The following PTH2R variants were observed in gnomAD, a reference collection of about 807,000 sequenced individuals.
PTH2R encodes PTH2 receptor.
Under a neutral mutation model 60.3 loss-of-function variants are expected in PTH2R, and 59 were observed. That is an observed-to-expected ratio of 0.98 (90% CI 0.79 to 1.22). PTH2R has a LOEUF of 1.22. Ranked by LOEUF, PTH2R falls within the 50% of genes most tolerant of loss-of-function variation. The pLI, the probability that PTH2R is intolerant of heterozygous loss-of-function variation, is 0.00. For synonymous variants in PTH2R, 256 were observed against 243.8 expected (o/e 1.05, Z -0.47); for missense variants, 749 against 682.6 (o/e 1.10, Z -1.08).
intron 2 of PTH2R, among the ~76,000 whole-genome samples, chr2:208,429,348 A>G (rs1701923554): frequency 1.3e-5 from 2 of 152,140 alleles, no homozygotes; most frequent in South Asian, 2.1e-4. Context: ...TCAACTTTTC[A>G]TTGAAAAATT....
chr2:208,424,038 C>T (rs1271005462), intron 1 of PTH2R, among the ~76,000 whole-genome samples: 2 of 152,132 alleles, frequency 1.3e-5, no homozygotes, highest in Non-Finnish European at 2.9e-5. Context: ...CCTCATGTGG[C>T]CTCCACTGTC....
chr2:208,375,667 GGTGATGTGAT>G (rs908226775), intron 1 of PTH2R, among the ~76,000 whole-genome samples: 11 of 152,100 alleles, frequency 7.2e-5, no homozygotes, highest in African/African-American at 2.4e-4. Flanking sequence ...CAGCCTGTGA[GGTGATGTGAT>G]GTGATGTGAT....
intron 2 of PTH2R, among the ~76,000 whole-genome samples, chr2:208,435,769 G>A (rs961423336): frequency 6.6e-6 from 1 of 152,158 alleles, no homozygotes; most frequent in Non-Finnish European, 1.5e-5. Context: ...TTGGCCTCAC[G>A]GGTCTACAAG....
At chr2:208,487,762 A>G (rs906880993) in intron 10 of PTH2R, among the ~76,000 whole-genome samples, 7 of 152,166 alleles carry the variant, frequency 4.6e-5, no homozygotes, top group African/African-American at 1.7e-4. Context: ...TTCTAAGTTC[A>G]TGTGATTGTT....
At chr2:208,455,829 C>T (rs936670921) in intron 8 of PTH2R, among the ~76,000 whole-genome samples, 1 of 152,180 alleles carries the variant, frequency 6.6e-6, no homozygotes, top group Non-Finnish European at 1.5e-5. Flanking sequence ...AGTGAAACCT[C>T]TGATTTTCTC....
At chr2:208,391,417 G>C (rs1402516857) in intron 1 of PTH2R, among the ~76,000 whole-genome samples, 3 of 152,176 alleles carry the variant, frequency 2.0e-5, no homozygotes, top group Non-Finnish European at 2.9e-5. Flanking sequence ...CCCACTGGCT[G>C]TTGAGCTGGT....
At chr2:208,421,734 A>T (rs1454872976) in intron 1 of PTH2R, among the ~76,000 whole-genome samples, 1 of 152,210 alleles carries the variant, frequency 6.6e-6, no homozygotes, top group Non-Finnish European at 1.5e-5. Flanking sequence ...TAAAATAATT[A>T]TAAGTTCATG....
intron 1 of PTH2R, among the ~76,000 whole-genome samples, chr2:208,388,416 C>T (rs777876696): frequency 5.9e-5 from 9 of 152,164 alleles, no homozygotes; most frequent in Non-Finnish European, 1.0e-4. Flanking sequence ...AAGGTCTAAC[C>T]TTCGGTGACG....
At chr2:208,427,614 T>C (rs1403708140) in intron 1 of PTH2R, among the ~76,000 whole-genome samples, 1 of 152,148 alleles carries the variant, frequency 6.6e-6, no homozygotes, top group Non-Finnish European at 1.5e-5. Context: ...TCTTAGAAAA[T>C]AATACCCAGC....
chr2:208,481,337 A>G (rs1192248435), intron 10 of PTH2R, among the ~76,000 whole-genome samples, 173 bp downstream of exon 10: 1 of 150,964 alleles, frequency 6.6e-6, no homozygotes, highest in Admixed American at 6.6e-5. Context: ...CAGCCTCCCG[A>G]GTAGCTGGGA....
upstream of PTH2R, among the ~76,000 whole-genome samples, chr2:208,402,870 C>T (rs563147093): frequency 1.8e-4 from 28 of 152,296 alleles, no homozygotes; most frequent in African/African-American, 6.7e-4. Flanking sequence ...TGCTAAAGCG[C>T]ATTCTATAGG....
intron 10 of PTH2R, among the ~76,000 whole-genome samples, chr2:208,484,849 G>C (rs992207740): frequency 6.6e-6 from 1 of 152,144 alleles, no homozygotes; most frequent in Admixed American, 6.5e-5. Flanking sequence ...TTGGCAATGG[G>C]ATAATAATAG....
chr2:208,430,284 G>T (rs1701942672), intron 2 of PTH2R, among the ~76,000 whole-genome samples: 1 of 151,686 alleles, frequency 6.6e-6, no homozygotes, highest in Non-Finnish European at 1.5e-5. Flanking sequence ...TTTCTTCTTT[G>T]AATAAAATGT....
intron 12 of PTH2R, among the ~76,000 whole-genome samples, chr2:208,492,721 A>T (rs1703431657): frequency 6.6e-6 from 1 of 152,150 alleles, no homozygotes; most frequent in Non-Finnish European, 1.5e-5. Flanking sequence ...TGGGCCTATC[A>T]TCAGGTGTGT....
At chr2:208,408,533 A>G (rs1172035319) in intron 1 of PTH2R, among the ~76,000 whole-genome samples, 1 of 149,652 alleles carries the variant, frequency 6.7e-6, no homozygotes, top group Non-Finnish European at 1.5e-5. Context: ...TAGTACAATA[A>G]GAAAAAAAAA....
chr2:208,474,188 A>G (rs1052304192), intron 9 of PTH2R, among the ~76,000 whole-genome samples: 7 of 152,234 alleles, frequency 4.6e-5, no homozygotes, highest in Admixed American at 3.9e-4. Flanking sequence ...TATCTACTTC[A>G]TAGGGTTATT....
intron 1 of PTH2R, among the ~76,000 whole-genome samples, chr2:208,367,430 T>TC (rs1700615027): frequency 6.7e-6 from 1 of 149,100 alleles, no homozygotes; most frequent in Admixed American, 6.6e-5. Flanking sequence ...CTTTCTTTTT[T>TC]TTTTTTTTTT....
At chr2:208,377,360 ATG>A (rs1176922297) in intron 1 of PTH2R, among the ~76,000 whole-genome samples, 4 of 152,050 alleles carry the variant, frequency 2.6e-5, no homozygotes, top group African/African-American at 9.7e-5. Context: ...CATCGTCATC[ATG>A]GCCCGTTCTC....
chr2:208,422,001 G>A (rs1273037814), intron 1 of PTH2R, among the ~76,000 whole-genome samples: 1 of 152,148 alleles, frequency 6.6e-6, no homozygotes, highest in Admixed American at 6.6e-5. Context: ...CAATATGGAG[G>A]CTGAGAAGTA....
Sources: allele counts gnomAD v4.1 joint callset (sites outside exome capture counted in the v4.1 genomes callset), GRCh38; gene constraint gnomAD v4.1.1; transcripts MANE v1.5; gene names NCBI Gene and HGNC (gene_info 2026-07-23, HGNC 2026-07-21).